LY6S: variants seen among roughly 807,000 people sequenced by gnomAD.
The protein encoded by LY6S is lymphocyte antigen 6S.
the LY6S span, chr8:143,043,210 C>A: frequency 7.3e-7 from 1 of 1,367,610 alleles, no homozygotes; most frequent in South Asian, 1.1e-5. Context: ...AGGACCACCG[C>A]ATTGCAGAGG....
At chr8:143,044,947 C>A in the LY6S span, 2 of 772,160 alleles carry the variant, frequency 2.6e-6, no homozygotes, top group Non-Finnish European at 3.5e-6. Context: ...TAGCCCCACA[C>A]ACCTGCCTGC....
chr8:143,070,383 ATATATATT>A, the LY6S span, among the ~76,000 whole-genome samples: 5 of 132,202 alleles, frequency 3.8e-5, no homozygotes, highest in African/African-American at 1.5e-4. Context: ...ATATAAATAT[ATATATATT>A]TATATATATT....
the LY6S span, among the ~76,000 whole-genome samples, chr8:143,041,311 G>A: frequency 6.6e-6 from 1 of 152,194 alleles, no homozygotes; most frequent in African/African-American, 2.4e-5. Flanking sequence ...CTTTCTCAGG[G>A]ATGTTCCTTG....
At chr8:143,072,685 C>T in the LY6S span, among the ~76,000 whole-genome samples, 21 of 96,462 alleles carry the variant, frequency 2.2e-4, no homozygotes, top group Middle Eastern at 6.8e-3. Context: ...CCGTCGTCCC[C>T]GGGGTCCCTG....
the LY6S span, among the ~76,000 whole-genome samples, chr8:143,070,192 G>A: frequency 1.3e-5 from 2 of 151,266 alleles, no homozygotes; most frequent in East Asian, 3.9e-4. Flanking sequence ...AGGACACCAG[G>A]CATGCTGGAC....
chr8:143,042,381 G>T, the LY6S span: 1 of 152,662 alleles, frequency 6.6e-6, no homozygotes, highest in African/African-American at 2.4e-5. Flanking sequence ...ACCATCCAGA[G>T]GCTCTCTGAC....
At chr8:143,074,976 A>G in the LY6S span, among the ~76,000 whole-genome samples, 2 of 152,226 alleles carry the variant, frequency 1.3e-5, no homozygotes, top group African/African-American at 4.8e-5. Flanking sequence ...ATTTTTGTAC[A>G]TAATTCCATT....
At chr8:143,047,321 A>G in the LY6S span, among the ~76,000 whole-genome samples, 2 of 149,860 alleles carry the variant, frequency 1.3e-5, no homozygotes, top group East Asian at 2.0e-4. Context: ...TTTCTTTTGT[A>G]TTTTTAGTAG....
chr8:143,067,822 C>T, the LY6S span, among the ~76,000 whole-genome samples: 1 of 152,216 alleles, frequency 6.6e-6, no homozygotes, highest in African/African-American at 2.4e-5. Flanking sequence ...ACACAAACAT[C>T]TCAGTGTAGC....
At chr8:143,043,326 C>G in the LY6S span, 1 of 1,114,298 alleles carries the variant, frequency 9.0e-7, no homozygotes, top group South Asian at 1.4e-5. Flanking sequence ...CTTGTTCTCC[C>G]CTCTCACTTT....
At chr8:143,070,466 TA>T in the LY6S span, among the ~76,000 whole-genome samples, 3 of 39,378 alleles carry the variant, frequency 7.6e-5, no homozygotes, top group Non-Finnish European at 1.0e-4. Flanking sequence ...ATATATATAA[TA>T]TATATATAAA....
the LY6S span, among the ~76,000 whole-genome samples, chr8:143,070,399 A>G: frequency 1.6e-5 from 2 of 126,108 alleles, no homozygotes; most frequent in African/African-American, 6.6e-5. Context: ...ATTTATATAT[A>G]TTTTTTATTT....
chr8:143,052,671 GGAGCTC>G, the LY6S span, among the ~76,000 whole-genome samples: 16 of 152,276 alleles, frequency 1.1e-4, no homozygotes, highest in Admixed American at 2.6e-4. Context: ...AACCCAGCAG[GGAGCTC>G]GAGCTTTGGG....
chr8:143,052,951 A>G, the LY6S span, among the ~76,000 whole-genome samples: 5 of 152,234 alleles, frequency 3.3e-5, no homozygotes, highest in African/African-American at 1.2e-4. Context: ...ATTGTAAAAT[A>G]TATTCAAAAT....
At chr8:143,053,240 C>T in the LY6S span, 3 of 152,092 alleles carry the variant, frequency 2.0e-5, no homozygotes, top group Non-Finnish European at 4.4e-5. Flanking sequence ...CAGAGGAAGC[C>T]GCTCATGACA....
the LY6S span, chr8:143,043,401 A>G: frequency 9.0e-6 from 4 of 443,980 alleles, no homozygotes; most frequent in African/African-American, 2.1e-5. Context: ...GGCTTTCTGC[A>G]GGGAGGCTCC....
At chr8:143,057,049 C>A in the LY6S span, 1 of 261,332 alleles carries the variant, frequency 3.8e-6, no homozygotes. Flanking sequence ...AATAGTTACA[C>A]ACATTTCTCC....
the LY6S span, among the ~76,000 whole-genome samples, chr8:143,062,953 T>TTTGTTTCA: frequency 3.9e-5 from 6 of 152,324 alleles, no homozygotes; most frequent in South Asian, 2.1e-4. Flanking sequence ...TTTCTGAAAC[T>TTTGTTTCA]TTCCATTGTT....
At chr8:143,040,939 A>G in the LY6S span, among the ~76,000 whole-genome samples, 1 of 152,150 alleles carries the variant, frequency 6.6e-6, no homozygotes, top group African/African-American at 2.4e-5. Context: ...AGTGATTTTC[A>G]GAAGGGGAGG....
Sources: allele counts gnomAD v4.1 joint callset (sites outside exome capture counted in the v4.1 genomes callset), GRCh38; gene constraint gnomAD v4.1.1; transcripts MANE v1.5; gene names NCBI Gene and HGNC (gene_info 2026-07-23, HGNC 2026-07-21).